FNDC3B: variants seen among roughly 807,000 people sequenced by gnomAD.
FNDC3B encodes the protein fibronectin type III domain containing 3B.
In FNDC3B, 12 loss-of-function variants were observed where a neutral mutation model predicts 151.5. The observed-to-expected ratio is 0.08, with a 90% confidence interval of 0.05 to 0.13. The LOEUF (loss-of-function observed/expected upper bound fraction) is 0.13. FNDC3B is among the 10% of genes least tolerant of loss of function. The pLI is 1.00. For missense variants in FNDC3B, 1,214 were observed against 1,505.3 expected (o/e 0.81, Z 3.20); for synonymous variants, 528 against 549.0 (o/e 0.96, Z 0.54).
At chr3:172,112,389 GT>G in intron 1 of FNDC3B, 62 bp from the exon 2 acceptor site, 1 of 810,508 alleles carries the variant, frequency 1.2e-6, no homozygotes, top group Non-Finnish European at 2.2e-6. Flanking sequence ...TATGTGACTT[GT>G]TGTGTTACAG....
intron 23 of FNDC3B, among the ~76,000 whole-genome samples, chr3:172,368,176 G>A (rs1394906421): frequency 6.6e-6 from 1 of 151,782 alleles, no homozygotes; most frequent in Non-Finnish European, 1.5e-5. Context: ...AGGCTGAAGT[G>A]GGAGGATCCC....
intron 1 of FNDC3B, among the ~76,000 whole-genome samples, chr3:172,075,858 A>G (rs970095940): frequency 2.0e-5 from 3 of 152,090 alleles, no homozygotes; most frequent in African/African-American, 4.8e-5. Flanking sequence ...ATTTTATTTA[A>G]AAGAATGCCA....
intron 6 of FNDC3B, among the ~76,000 whole-genome samples, chr3:172,270,711 T>C (rs999209444): frequency 1.3e-5 from 2 of 152,172 alleles, no homozygotes; most frequent in Admixed American, 1.3e-4. Context: ...CTTGACTATA[T>C]TGGAAACAGA....
intron 4 of FNDC3B, among the ~76,000 whole-genome samples, chr3:172,238,431 A>G (rs2108757093): frequency 6.6e-6 from 1 of 152,368 alleles, no homozygotes; most frequent in South Asian, 2.1e-4. Flanking sequence ...CAGAGATTAC[A>G]GTCATGAACC....
At chr3:172,048,133 C>A (rs1444571212) in intron 1 of FNDC3B, among the ~76,000 whole-genome samples, 4 of 152,114 alleles carry the variant, frequency 2.6e-5, no homozygotes, top group African/African-American at 9.7e-5. Context: ...ACGTTTTATA[C>A]TCAGTCACTC....
chr3:172,344,198 C>T lies in FNDC3B; in HGVS notation c.2190C>T (p.Val730=), dbSNP rs200807692. ...VYHGPELECT[V]GNLLPGTVYR... ...ATGGCCCAGAGCTGGAGTGCACCGT[C>T]GGCAACCTGCTTCCTGGAACCGTGT... The change falls in exon 19 of 26, where the codon GTC becomes GTT. Residue 730 remains valine (V), a synonymous_variant. Coordinates refer to ENST00000415807, the MANE Select transcript of FNDC3B (RefSeq NM_022763.4). 125 of 1,614,104 alleles carry T rather than the reference C, an allele frequency of 7.7e-5. No individual in the cohort carries two copies. The highest frequency in any genetic ancestry group is 2.0e-4 in the Admixed American group (12 of 60,014).
chr3:172,274,454 A>G (rs1196742662), intron 6 of FNDC3B, among the ~76,000 whole-genome samples: 1 of 152,156 alleles, frequency 6.6e-6, no homozygotes, highest in Non-Finnish European at 1.5e-5. Flanking sequence ...TCAGAAGACA[A>G]GAAGACCTGA....
chr3:172,145,443 G>C (rs1431838037), intron 3 of FNDC3B, among the ~76,000 whole-genome samples: 1 of 152,134 alleles, frequency 6.6e-6, no homozygotes, highest in Non-Finnish European at 1.5e-5. Context: ...ATTAAAGTGG[G>C]TATACGCATA....
Position 172,353,028 on chromosome 3 carries a change from G to A in FNDC3B, c.2740G>A (p.Val914Met), listed in dbSNP as rs1225201313. 10 of 1,614,090 alleles carry A rather than the reference G, an allele frequency of 6.2e-6. No individual in the cohort carries two copies. The highest frequency in any genetic ancestry group is 1.7e-5 in the Admixed American group (1 of 60,022). The change falls in exon 22 of 26, where the codon GTG (valine) becomes ATG (methionine). Residue 914 changes from valine (V) to methionine (M), a missense_variant. By Grantham distance (21) the Val-to-Met change is conservative. Transcript: ENST00000415807. Reference sequence around the variant, plus strand: ...TGATCTAGGAGACACTAGCATTACCGTGGGCAACACCACCATGCATGTTAT... The same window carrying A: ...TGATCTAGGAGACACTAGCATTACCATGGGCAACACCACCATGCATGTTAT... ...TIDLGDTSIT[V>M]GNTTMHVMKD...
chr3:172,079,263 G>A (rs564350391), intron 1 of FNDC3B, among the ~76,000 whole-genome samples: 74 of 152,142 alleles, frequency 4.9e-4, no homozygotes, highest in African/African-American at 1.6e-3. Flanking sequence ...CTGCTGGTTG[G>A]GGAAAAAAAA....
chr3:172,133,040 A>G (rs1433293799), intron 2 of FNDC3B, among the ~76,000 whole-genome samples: 2 of 152,220 alleles, frequency 1.3e-5, no homozygotes, highest in East Asian at 1.9e-4. Context: ...TTGTCACACA[A>G]TAGAATCATA....
intron 6 of FNDC3B, among the ~76,000 whole-genome samples, chr3:172,268,607 G>A (rs537970847): frequency 1.8e-4 from 28 of 152,238 alleles, no homozygotes; most frequent in African/African-American, 6.3e-4. Context: ...ACAGCTCTCC[G>A]TGTAGCCAGG....
At chr3:172,147,826 C>T (rs1456331043) in intron 3 of FNDC3B, among the ~76,000 whole-genome samples, 8 of 151,724 alleles carry the variant, frequency 5.3e-5, no homozygotes, top group Admixed American at 5.3e-4. Context: ...GAAGTTGTAC[C>T]CTTAAATTAA....
intron 1 of FNDC3B, among the ~76,000 whole-genome samples, chr3:172,076,629 A>T (rs1041033474): frequency 1.3e-5 from 2 of 152,064 alleles, no homozygotes; most frequent in African/African-American, 4.8e-5. Context: ...TATTTTTTTT[A>T]AACAGAGTGG....
At position 172,161,991 on chromosome 3, in the gene FNDC3B, G is replaced by GA. The variant is rs1415877510; in HGVS notation, c.187+28445_187+28446insA. On this transcript the variant is annotated intron_variant, in intron 3 of 25. Transcript: ENST00000415807. The stretch of plus-strand genomic sequence containing the variant: ...TCTTAGGATAATTTTTTTTTTTTTG[G>GA]GGGGGGACAGAGTCTCTCTCTGTTA... Among the ~76,000 whole-genome samples, 1,381 of 146,810 alleles carry GA rather than the reference G, an allele frequency of 9.4e-3. 7 individuals carry two copies. Among genetic ancestry groups the GA allele is most frequent in the Non-Finnish European group, 0.014 (963 of 66,610 alleles).
intron 3 of FNDC3B, among the ~76,000 whole-genome samples, chr3:172,186,252 G>A (rs1724174067): frequency 6.6e-6 from 1 of 152,152 alleles, no homozygotes; most frequent in African/African-American, 2.4e-5. Context: ...TAAGTAATTG[G>A]GTTTATCACT....
intron 3 of FNDC3B, among the ~76,000 whole-genome samples, chr3:172,159,500 C>T (rs538879622): frequency 1.3e-5 from 2 of 152,312 alleles, no homozygotes; most frequent in East Asian, 3.9e-4. Flanking sequence ...GATGCCAGCT[C>T]TCCGTAAACT....
chr3:172,300,737 T>C (rs967893061), intron 9 of FNDC3B, among the ~76,000 whole-genome samples: 1 of 152,204 alleles, frequency 6.6e-6, no homozygotes, highest in Non-Finnish European at 1.5e-5. Flanking sequence ...CCAACTGTTA[T>C]TTGTTCTACC....
intron 3 of FNDC3B, among the ~76,000 whole-genome samples, chr3:172,206,495 C>G (rs1725432767): frequency 6.6e-6 from 1 of 151,786 alleles, no homozygotes; most frequent in Non-Finnish European, 1.5e-5. Flanking sequence ...CCTGTCTCTA[C>G]TAAAAATACA....
Sources: gnomAD v4.1 joint callset for allele counts (sites outside exome capture counted in the v4.1 genomes callset) on GRCh38, gnomAD v4.1.1 for gene constraint, MANE v1.5 for transcripts, NCBI Gene and HGNC (gene_info 2026-07-23, HGNC 2026-07-21) for gene names.